The following EXOC2 variants were observed in gnomAD, a reference collection of about 807,000 sequenced individuals.
The protein encoded by EXOC2 is exocyst complex component 2, also known as SEC5-like 1.
A neutral mutation model predicts 131.8 loss-of-function variants in EXOC2; 70 were observed. The observed-to-expected ratio is 0.53, with a 90% CI of 0.44 to 0.65. The LOEUF (loss-of-function observed/expected upper bound fraction) is 0.65. Among genes scored for constraint, EXOC2 ranks in the 30% least tolerant of loss-of-function variants. EXOC2 has a pLI of 0.00. For synonymous variants in EXOC2, 411 were observed against 398.4 expected, an observed-to-expected ratio of 1.03 and a Z score of -0.38; for missense variants, 923 against 1,108.6, an observed-to-expected ratio of 0.83 and a Z score of 2.38.
intron 17 of EXOC2, among the ~76,000 whole-genome samples, chr6:558,183 C>T (rs1757523828): frequency 6.6e-6 from 1 of 152,106 alleles, no homozygotes; most frequent in Admixed American, 6.5e-5. Context: ...TTTAAAAAGA[C>T]AAGTTTATTT....
At chr6:551,041 C>T (rs1757115193) in intron 21 of EXOC2, among the ~76,000 whole-genome samples, 1 of 152,128 alleles carries the variant, frequency 6.6e-6, no homozygotes, top group South Asian at 2.1e-4. Context: ...CATTCAGATG[C>T]AATAAAAGTG....
intron 23 of EXOC2, among the ~76,000 whole-genome samples, chr6:518,809 T>C (rs1041307592): frequency 3.3e-5 from 5 of 152,184 alleles, no homozygotes; most frequent in African/African-American, 1.2e-4. Flanking sequence ...AAATTCCTTT[T>C]TGCTTTAAAG....
chr6:603,567 G>A (rs1004904350), intron 7 of EXOC2, among the ~76,000 whole-genome samples: 5 of 152,016 alleles, frequency 3.3e-5, no homozygotes, highest in Middle Eastern at 3.4e-3. Context: ...TTTACACCTT[G>A]GAAATTGGGA....
At chr6:587,313 G>A (rs1488774427) in intron 11 of EXOC2, among the ~76,000 whole-genome samples, 1 of 150,554 alleles carries the variant, frequency 6.6e-6, no homozygotes, top group Non-Finnish European at 1.5e-5. Context: ...GGCACAATCT[G>A]GGCTCAGTGC....
chr6:530,267 G>C (rs555104526), intron 23 of EXOC2, among the ~76,000 whole-genome samples: 2 of 152,212 alleles, frequency 1.3e-5, no homozygotes, highest in African/African-American at 4.8e-5. Context: ...TAGAAGAGAA[G>C]GAGCAACTGG....
chr6:486,521 A>ATGTATACCAACAAT lies in EXOC2; in HGVS notation c.*136_*149dup. On this transcript the variant is annotated 3_prime_UTR_variant, in exon 28 of 28. Coordinates refer to ENST00000230449, the MANE Select transcript of EXOC2 (RefSeq NM_018303.6). ...TTCAAATGAGGTCATTTTGGTTGAA[A>ATGTATACCAACAAT]TGTATACCAACAATTTTCGAAGTCA... 1 of 646,664 alleles carries ATGTATACCAACAAT rather than the reference A, an allele frequency of 1.5e-6. No homozygotes were observed. The highest frequency in any genetic ancestry group is 2.7e-6 in the Non-Finnish European group (1 of 372,578). 40.1% of individuals were successfully genotyped at this position (646,664 alleles called of 1,614,324 possible).
At chr6:566,782 C>T (rs1369138871) in intron 13 of EXOC2, among the ~76,000 whole-genome samples, 3 of 152,246 alleles carry the variant, frequency 2.0e-5, no homozygotes, top group South Asian at 4.2e-4. Context: ...TATCTCCAGC[C>T]CAAATATCTC....
intron 25 of EXOC2, among the ~76,000 whole-genome samples, chr6:492,950 C>T (rs989618763): frequency 2.6e-5 from 4 of 152,222 alleles, no homozygotes; most frequent in African/African-American, 9.7e-5. Context: ...TAAGCTTTCA[C>T]TTCTACGCAA....
chr6:545,525 A>T (rs1756801620), intron 22 of EXOC2, among the ~76,000 whole-genome samples: 3 of 152,222 alleles, frequency 2.0e-5, no homozygotes. Flanking sequence ...TCTAGAATAT[A>T]AACAGTCAAT....
intron 4 of EXOC2, among the ~76,000 whole-genome samples, chr6:624,508 A>G (rs1561939522): frequency 6.6e-6 from 1 of 152,232 alleles, no homozygotes; most frequent in African/African-American, 2.4e-5. Flanking sequence ...CTTACAGACT[A>G]ATTTCCTAAG....
intron 13 of EXOC2, among the ~76,000 whole-genome samples, chr6:567,178 C>T (rs1413854852): frequency 6.6e-6 from 1 of 152,214 alleles, no homozygotes; most frequent in African/African-American, 2.4e-5. Context: ...GCCCCATGGC[C>T]TGGGATGAAG....
At chr6:588,600 G>T (rs563787622) in intron 11 of EXOC2, among the ~76,000 whole-genome samples, 2 of 152,168 alleles carry the variant, frequency 1.3e-5, no homozygotes, top group Non-Finnish European at 2.9e-5. Context: ...TGATCCGCCC[G>T]CCTCGGCCTC....
intron 1 of EXOC2, among the ~76,000 whole-genome samples, chr6:654,803 CAAAAA>C (rs66637987): frequency 2.4e-3 from 72 of 29,520 alleles, no homozygotes; most frequent in African/African-American, 5.4e-3. Flanking sequence ...GACCCTGTCT[CAAAAA>C]AAAAAAAAAA....
intron 1 of EXOC2, among the ~76,000 whole-genome samples, chr6:684,590 C>G (rs1764559578): frequency 6.6e-6 from 1 of 152,020 alleles, no homozygotes; most frequent in Admixed American, 6.5e-5. Flanking sequence ...ATGAAGCATA[C>G]AGGGATGGAT....
intron 12 of EXOC2, 71 bp from the exon 13 acceptor site, chr6:572,715 G>A (rs976100287): frequency 1.0e-5 from 16 of 1,537,184 alleles, no homozygotes; most frequent in African/African-American, 1.4e-5. Context: ...GCATATTGGC[G>A]CACCCCCCTC....
chr6:546,899 C>G (rs191137245), intron 22 of EXOC2, among the ~76,000 whole-genome samples: 1 of 152,204 alleles, frequency 6.6e-6, no homozygotes, highest in Non-Finnish European at 1.5e-5. Flanking sequence ...GGTTGGCACC[C>G]CAACCTCTGA....
In EXOC2 at chr6:590,655, C is replaced by A. The variant is rs936972794; in HGVS notation, c.1192+1814G>T. On this transcript the variant is annotated intron_variant, in intron 11 of 27. Coordinates refer to ENST00000230449, the MANE Select transcript of EXOC2 (RefSeq NM_018303.6). ...AATCCTAAGGACATTTCTCTTTCATCTTCTGCTTCATCTTGGAGATTTTGC... is the reference window on the plus strand; with the variant it reads ...AATCCTAAGGACATTTCTCTTTCATATTCTGCTTCATCTTGGAGATTTTGC... Among the ~76,000 whole-genome samples, 30 of 152,192 alleles carry A rather than the reference C, an allele frequency of 2.0e-4. 1 individual carries two copies. The highest frequency in any genetic ancestry group is 2.4e-4 in the Non-Finnish European group (16 of 68,038).
intron 1 of EXOC2, chr6:656,719 C>A (rs371301949): frequency 1.3e-6 from 2 of 1,595,888 alleles, no homozygotes; most frequent in Middle Eastern, 1.7e-4. Flanking sequence ...TGGATCTCAT[C>A]GAGATCTTCC....
intron 21 of EXOC2, among the ~76,000 whole-genome samples, chr6:553,393 G>A (rs1195620558): frequency 9.3e-6 from 1 of 107,712 alleles, no homozygotes. Flanking sequence ...GTGTATAAGT[G>A]TGTGTGTGTG....
Sources: gnomAD v4.1 joint callset for allele counts (sites outside exome capture counted in the v4.1 genomes callset) on GRCh38, gnomAD v4.1.1 for gene constraint, MANE v1.5 for transcripts, NCBI Gene and HGNC (gene_info 2026-07-23, HGNC 2026-07-21) for gene names.